RBFOX1: variants seen among roughly 807,000 people sequenced by gnomAD.
RBFOX1 encodes the protein RNA binding protein fox-1 homolog 1.
A neutral mutation model predicts 57.7 loss-of-function variants in RBFOX1; 8 were observed. That is an observed-to-expected ratio of 0.14 (90% CI 0.08 to 0.25). The LOEUF (loss-of-function observed/expected upper bound fraction) is 0.25. Ranked by LOEUF, RBFOX1 falls within the 10% of genes least tolerant of loss-of-function variation. The pLI, the probability that RBFOX1 is intolerant of heterozygous loss-of-function variation, is 1.00. For missense variants in RBFOX1, 611 were observed against 548.5 expected (o/e 1.11, Z -1.14); for synonymous variants, 326 against 222.4 (o/e 1.47, Z -4.15).
intron 4 of RBFOX1, among the ~76,000 whole-genome samples, chr16:7,505,473 G>A (rs2072965270): frequency 6.6e-6 from 1 of 152,142 alleles, no homozygotes; most frequent in Non-Finnish European, 1.5e-5. Flanking sequence ...TTTTTTAAGG[G>A]CTAAGCACAT....
chr16:5,785,939 C>T (rs765394260), intron 3 of RBFOX1, among the ~76,000 whole-genome samples: 18 of 152,178 alleles, frequency 1.2e-4, no homozygotes, highest in Non-Finnish European at 4.4e-5. Context: ...TGAAACCACC[C>T]CCCATTTCCA....
chr16:6,721,195 T>G (rs1456383415), intron 3 of RBFOX1, among the ~76,000 whole-genome samples: 2 of 152,144 alleles, frequency 1.3e-5, no homozygotes, highest in African/African-American at 2.4e-5. Flanking sequence ...ATAATCCCAG[T>G]ACTTTGGAAG....
intron 3 of RBFOX1, among the ~76,000 whole-genome samples, chr16:6,806,821 T>TATAAATATATAA (rs1448061371): frequency 1.3e-5 from 1 of 78,014 alleles, no homozygotes; most frequent in East Asian, 4.4e-4. Context: ...TATATAAATA[T>TATAAATATATAA]ATATATATAT....
At chr16:6,520,602 T>C (rs145807190) in intron 2 of RBFOX1, among the ~76,000 whole-genome samples, 9 of 152,178 alleles carry the variant, frequency 5.9e-5, no homozygotes, top group Non-Finnish European at 4.4e-5. Context: ...TAGAAAGATA[T>C]GTGGGCACCT....
intron 2 of RBFOX1, among the ~76,000 whole-genome samples, chr16:5,536,822 T>G: frequency 6.6e-6 from 1 of 151,470 alleles, no homozygotes; most frequent in African/African-American, 2.4e-5. Flanking sequence ...AAGGGGGGAG[T>G]TGGTCAACAG....
intron 2 of RBFOX1, among the ~76,000 whole-genome samples, chr16:6,559,989 T>C (rs1567683135): frequency 6.6e-6 from 1 of 152,104 alleles, no homozygotes. Context: ...TCACAGGCCA[T>C]TGTTCTTCAA....
intron 4 of RBFOX1, among the ~76,000 whole-genome samples, chr16:5,965,796 C>T (rs2059831387): frequency 6.6e-6 from 1 of 152,046 alleles, no homozygotes; most frequent in South Asian, 2.1e-4. Context: ...GTGTGGGGAC[C>T]AGGTTTCCCT....
intron 4 of RBFOX1, among the ~76,000 whole-genome samples, chr16:6,008,862 A>G (rs1391689977): frequency 6.6e-6 from 1 of 152,216 alleles, no homozygotes; most frequent in African/African-American, 2.4e-5. Flanking sequence ...CTTACGGAAT[A>G]ATGGCAAGCA....
chr16:5,764,865 A>G (rs2053721985), intron 3 of RBFOX1, among the ~76,000 whole-genome samples: 1 of 152,180 alleles, frequency 6.6e-6, no homozygotes, highest in Non-Finnish European at 1.5e-5. Context: ...CACTCTGTAT[A>G]TGGCCTTTTA....
At chr16:6,327,132 A>G (rs2082465807) in intron 2 of RBFOX1, among the ~76,000 whole-genome samples, 2 of 152,156 alleles carry the variant, frequency 1.3e-5, no homozygotes, top group South Asian at 2.1e-4. Flanking sequence ...TTCCTCTGCA[A>G]TCCCAGTCCA....
chr16:5,405,014 A>T, intron 1 of RBFOX1, among the ~76,000 whole-genome samples: 1 of 152,208 alleles, frequency 6.6e-6, no homozygotes, highest in East Asian at 1.9e-4. Context: ...GCAATAATTC[A>T]TTCTGTGAGT....
chr16:6,359,397 A>G (rs1044630822), intron 2 of RBFOX1, among the ~76,000 whole-genome samples: 2 of 152,080 alleles, frequency 1.3e-5, no homozygotes, highest in African/African-American at 2.4e-5. Flanking sequence ...CTGGCCTAAA[A>G]AGGGTCTTTT....
intron 1 of RBFOX1, among the ~76,000 whole-genome samples, chr16:5,441,864 TA>T (rs2068095331): frequency 1.3e-5 from 2 of 152,200 alleles, no homozygotes; most frequent in Non-Finnish European, 2.9e-5. Context: ...GAAAAACAGA[TA>T]GGGGAAACTG....
chr16:5,642,910 T>C (rs2048929237), intron 3 of RBFOX1, among the ~76,000 whole-genome samples: 1 of 152,138 alleles, frequency 6.6e-6, no homozygotes, highest in Admixed American at 6.5e-5. Flanking sequence ...TCCTTGCCTT[T>C]CTCACCTGTC....
At chr16:7,448,093 T>C (rs1024821202) in intron 4 of RBFOX1, among the ~76,000 whole-genome samples, 11 of 152,246 alleles carry the variant, frequency 7.2e-5, no homozygotes, top group African/African-American at 2.7e-4. Context: ...ACTCTTAAGA[T>C]GCAGCATTTA....
At chr16:6,818,428 C>CA (rs561288196) in intron 3 of RBFOX1, among the ~76,000 whole-genome samples, 1 of 149,414 alleles carries the variant, frequency 6.7e-6, no homozygotes, top group Non-Finnish European at 1.5e-5. Flanking sequence ...CATGAGTGGC[C>CA]AAAAAGAAAA....
At chr16:6,009,622 G>A (rs777263911) in intron 4 of RBFOX1, among the ~76,000 whole-genome samples, 1 of 152,068 alleles carries the variant, frequency 6.6e-6, no homozygotes, top group African/African-American at 2.4e-5. Context: ...AGCACAGCAA[G>A]CAATCATGTT....
At chr16:5,843,950 G>T (rs117023120) in intron 3 of RBFOX1, among the ~76,000 whole-genome samples, 15 of 152,326 alleles carry the variant, frequency 9.8e-5, no homozygotes, top group Non-Finnish European at 2.1e-4. Flanking sequence ...AAAGTCAGAA[G>T]AGTTTCCCTA....
intron 1 of RBFOX1, among the ~76,000 whole-genome samples, chr16:5,381,859 G>C (rs971831491): frequency 1.3e-5 from 2 of 152,160 alleles, no homozygotes; most frequent in Non-Finnish European, 2.9e-5. Flanking sequence ...CAAAAAACAG[G>C]CTGGCTAACT....
Sources: allele counts gnomAD v4.1 joint callset (sites outside exome capture counted in the v4.1 genomes callset), GRCh38; gene constraint gnomAD v4.1.1; transcripts MANE v1.5; gene names NCBI Gene and HGNC (gene_info 2026-07-23, HGNC 2026-07-21).